Variants in ASXL1 observed in about 807,000 individuals in gnomAD.
The protein encoded by ASXL1 is ASXL transcriptional regulator 1.
In ASXL1, 65 loss-of-function variants were observed where a neutral mutation model predicts 89.1. The ratio of observed to expected loss-of-function variants is 0.73; its 90% CI spans 0.60 to 0.90. ASXL1 has a LOEUF of 0.90. ASXL1 is among the 40% of genes least tolerant of loss of function. The pLI, the probability that ASXL1 is intolerant of heterozygous loss-of-function variation, is 0.00. For synonymous variants in ASXL1, 739 were observed against 746.9 expected, an observed-to-expected ratio of 0.99 and a Z score of 0.17; for missense variants, 1,786 against 1,942.9, an observed-to-expected ratio of 0.92 and a Z score of 1.52.
intron 4 of ASXL1, among the ~76,000 whole-genome samples, chr20:32,420,021 T>C (rs1352904087): frequency 6.7e-6 from 1 of 149,258 alleles, no homozygotes; most frequent in Non-Finnish European, 1.5e-5. Flanking sequence ...TTGGTGATGT[T>C]AGTATCACTT....
chr20:32,397,208 CCTTT>C (rs1489307618), intron 4 of ASXL1, among the ~76,000 whole-genome samples: 13 of 24,948 alleles, frequency 5.2e-4, no homozygotes, highest in Non-Finnish European at 1.4e-3. Context: ...CCATGCCTGG[CCTTT>C]TTTTTTTTTT....
At chr20:32,394,790 T>A (rs1207571684) in intron 4 of ASXL1, among the ~76,000 whole-genome samples, 1 of 152,132 alleles carries the variant, frequency 6.6e-6, no homozygotes, top group East Asian at 1.9e-4. Flanking sequence ...CTTGGCTTAC[T>A]GCAGCCTCTG....
At position 32,386,789 on chromosome 20, in the gene ASXL1, C is replaced by CTTT. The variant is rs11445027; in HGVS notation, c.252+17680_252+17682dup. Among the ~76,000 whole-genome samples, 288 of 129,576 alleles carry CTTT rather than the reference C, an allele frequency of 2.2e-3. 8 individuals are homozygous for CTTT. The highest frequency in any genetic ancestry group is 4.5e-3 in the African/African-American group (154 of 34,398). 85.0% of individuals were successfully genotyped at this position (129,576 alleles called of 152,430 possible). Reference sequence around the variant, plus strand: ...TCTTTTGTGTATGACCTCTCTCTCTCTTTTTTTTTTTTTTTTGCTACCTCT... The same window carrying CTTT: ...TCTTTTGTGTATGACCTCTCTCTCTCTTTTTTTTTTTTTTTTTTTGCTACCTCT... On this transcript the variant is annotated intron_variant, in intron 4 of 12. Coordinates refer to ENST00000375687, the MANE Select transcript of ASXL1 (RefSeq NM_015338.6).
intron 4 of ASXL1, among the ~76,000 whole-genome samples, chr20:32,370,560 T>C (rs2048284609): frequency 6.6e-6 from 1 of 152,232 alleles, no homozygotes; most frequent in Admixed American, 6.5e-5. Flanking sequence ...AATTTGATGC[T>C]GACCCTTTCG....
intron 4 of ASXL1, among the ~76,000 whole-genome samples, chr20:32,404,263 A>G (rs576802036): frequency 6.6e-6 from 1 of 152,214 alleles, no homozygotes; most frequent in Admixed American, 6.5e-5. Flanking sequence ...AACATGTGAT[A>G]TTTATCTTTC....
At chr20:32,388,707 C>G (rs936684153) in intron 4 of ASXL1, among the ~76,000 whole-genome samples, 5 of 151,984 alleles carry the variant, frequency 3.3e-5, no homozygotes, top group Admixed American at 1.3e-4. Context: ...AATTTCAGGC[C>G]TTTTCCAGTT....
chr20:32,413,898 T>A (rs1214559278), intron 4 of ASXL1, among the ~76,000 whole-genome samples: 1 of 152,210 alleles, frequency 6.6e-6, no homozygotes, highest in Non-Finnish European at 1.5e-5. Context: ...TGACGTAGAG[T>A]TGCTTCTAGA....
chr20:32,430,269 C>A, intron 8 of ASXL1: 1 of 643,946 alleles, frequency 1.6e-6, no homozygotes, highest in Non-Finnish European at 2.5e-6. Context: ...TGATGCCATA[C>A]TGTTTCTCGT....
chr20:32,364,201 A>G (rs1326301658), intron 1 of ASXL1, among the ~76,000 whole-genome samples: 2 of 151,846 alleles, frequency 1.3e-5, no homozygotes, highest in Non-Finnish European at 2.9e-5. Context: ...GAAGGATTTT[A>G]TTTGCTTTCT....
intron 4 of ASXL1, among the ~76,000 whole-genome samples, chr20:32,384,971 GAAAA>G (rs931731844): frequency 1.4e-5 from 2 of 143,302 alleles, no homozygotes; most frequent in Non-Finnish European, 3.1e-5. Flanking sequence ...GACTGCATTT[GAAAA>G]AAAAAAAACT....
intron 4 of ASXL1, among the ~76,000 whole-genome samples, chr20:32,411,135 C>T (rs1351368127): frequency 7.5e-6 from 1 of 133,030 alleles, no homozygotes; most frequent in African/African-American, 2.8e-5. Flanking sequence ...TATCTGACAT[C>T]TATTAGTTGT....
At chr20:32,398,615 G>GTTTT (rs1358499355) in intron 4 of ASXL1, among the ~76,000 whole-genome samples, 1 of 80,810 alleles carries the variant, frequency 1.2e-5, no homozygotes, top group Non-Finnish European at 2.6e-5. Flanking sequence ...TTTTTTTTTT[G>GTTTT]TTTTTTTTTT....
chr20:32,405,376 C>G (rs896023489), intron 4 of ASXL1, among the ~76,000 whole-genome samples: 1 of 152,182 alleles, frequency 6.6e-6, no homozygotes, highest in Non-Finnish European at 1.5e-5. Context: ...CCGCACCTGG[C>G]CCTACCCTTA....
chr20:32,400,023 A>G (rs1314051351), intron 4 of ASXL1, among the ~76,000 whole-genome samples: 3 of 151,872 alleles, frequency 2.0e-5, no homozygotes, highest in Non-Finnish European at 2.9e-5. Flanking sequence ...CAGCCTCCCA[A>G]ATTGATGGGA....
rs1270268473 is a variant in ASXL1, at chr20:32,435,491, G to A, written c.2779G>A (p.Gly927Arg). The A allele has an allele frequency of 1.2e-6, 2 of 1,614,046 alleles. No individual in the cohort carries two copies. The highest frequency in any genetic ancestry group is 4.5e-5 in the East Asian group (2 of 44,882). ...CATACCATCTGTTGAGCCCCAGGTT[G>A]GAGAGGAGTGGGAGAAAGCTGCTCC... ...EHIPSVEPQV[G>R]EEWEKAAPTP... The change falls in exon 13 of 13, where the codon GGA becomes AGA. Residue 927 changes from glycine to arginine, a missense_variant. Around this residue, in one of 3 missense-constraint regions of ASXL1, gnomAD observed 1,418 missense variants for 1,427.8 expected, o/e 0.99. Coordinates refer to ENST00000375687, the MANE Select transcript of ASXL1 (RefSeq NM_015338.6).
At chr20:32,397,399 CTTT>C (rs1199602381) in intron 4 of ASXL1, among the ~76,000 whole-genome samples, 1 of 96,680 alleles carries the variant, frequency 1.0e-5, no homozygotes. Flanking sequence ...CACTCCTGGC[CTTT>C]TTTTTTTTTT....
Position 32,435,563 on chromosome 20 carries a change from G to C in ASXL1, c.2851G>C (p.Asp951His). The C allele has an allele frequency of 1.2e-6, 2 of 1,614,056 alleles. No individual in the cohort carries two copies. The highest frequency in any genetic ancestry group is 1.7e-6 in the Non-Finnish European group (2 of 1,180,026). Residue 951 changes from aspartate (D) to histidine (H), a missense_variant, in exon 13 of 13, where the codon GAT becomes CAT. Coordinates refer to ENST00000375687, the MANE Select transcript of ASXL1 (RefSeq NM_015338.6). ...PGDLTAEEGL[D>H]PLDSLTSLWT... The stretch of plus-strand genomic sequence containing the variant: ...GGATTTGACAGCTGAGGAGGGTCTA[G>C]ATCCTCTTGACAGCCTTACTTCACT...
intron 4 of ASXL1, among the ~76,000 whole-genome samples, chr20:32,419,799 C>T (rs1009054325): frequency 2.6e-5 from 4 of 151,788 alleles, no homozygotes; most frequent in Non-Finnish European, 5.9e-5. Flanking sequence ...CCTGCCTCAG[C>T]CTCCTGAGTG....
chr20:32,436,885 T>A lies in ASXL1; in HGVS notation c.4173T>A (p.Ser1391Arg). Residue 1391 changes from serine to arginine, a missense_variant, in exon 13 of 13, where the codon AGT becomes AGA. Transcript: ENST00000375687. ...AGAACAGGAAAGCTACTGGGCATAG[T>A]CCCCTGGAACTGGTGGGTCACTTGG... ...NAENRKATGH[S>R]PLELVGHLEG... is the part of the protein sequence containing the mutation. 4.3e-6 allele frequency: 7 copies of A among 1,614,120 alleles called. No homozygotes were observed. The highest frequency in any genetic ancestry group is 5.1e-6 in the Non-Finnish European group (6 of 1,180,002).
Sources: gnomAD v4.1 joint callset for allele counts (sites outside exome capture counted in the v4.1 genomes callset) on GRCh38, gnomAD v4.1.1 for gene constraint, gnomAD v4.1.1 regional missense constraint, MANE v1.5 for transcripts, NCBI Gene and HGNC (gene_info 2026-07-23, HGNC 2026-07-21) for gene names.